Variants in MAEL observed in about 807,000 individuals in gnomAD.
MAEL encodes protein maelstrom homolog.
In MAEL, 46 loss-of-function variants were observed where a neutral mutation model predicts 62.0. The ratio of observed to expected loss-of-function variants is 0.74; its 90% confidence interval spans 0.59 to 0.95. MAEL has a LOEUF of 0.95. Ranked by LOEUF, MAEL falls within the 40% of genes least tolerant of loss-of-function variation. MAEL has a pLI of 0.00. For synonymous variants in MAEL, 172 were observed against 175.5 expected (o/e 0.98, Z 0.16); for missense variants, 497 against 526.8 (o/e 0.94, Z 0.55).
chr1:167,014,701 TA>T (rs1020239128), intron 8 of MAEL, among the ~76,000 whole-genome samples: 11 of 152,088 alleles, frequency 7.2e-5, no homozygotes, highest in Non-Finnish European at 1.6e-4. Flanking sequence ...ACCTTTCCAA[TA>T]AAAAATGGCC....
At chr1:166,988,348 TAAAAAA>T (rs71073633), upstream of MAEL, among the ~76,000 whole-genome samples, 11 of 93,100 alleles carry the variant, frequency 1.2e-4, no homozygotes, top group Non-Finnish European at 2.2e-4. Flanking sequence ...AGACCCTGTC[TAAAAAA>T]AAAAAAAAAA....
chr1:167,014,484 C>G (rs1446424590), intron 8 of MAEL, among the ~76,000 whole-genome samples: 1 of 152,106 alleles, frequency 6.6e-6, no homozygotes, highest in East Asian at 1.9e-4. Flanking sequence ...CAATAAGACT[C>G]TAGTGTGAAG....
At chr1:166,979,132 CATGAATACTGCTTAACGTG>C (rs1241792616) in intron 1 of MAEL, among the ~76,000 whole-genome samples, 1 of 152,178 alleles carries the variant, frequency 6.6e-6, no homozygotes, top group Non-Finnish European at 1.5e-5. Context: ...CATGCATGCA[CATGAATACTGCTTAACGTG>C]AGTCTGTTTA....
intron 9 of MAEL, among the ~76,000 whole-genome samples, chr1:167,016,779 C>T (rs1665409194): frequency 6.6e-6 from 1 of 152,002 alleles, no homozygotes; most frequent in South Asian, 2.1e-4. Flanking sequence ...GGTACTTATA[C>T]ACAATAGAGT....
chr1:167,009,849 T>A (rs936402117), intron 8 of MAEL, among the ~76,000 whole-genome samples: 1 of 152,082 alleles, frequency 6.6e-6, no homozygotes, highest in Non-Finnish European at 1.5e-5. Context: ...TTTGTCTTTT[T>A]TTTCCCCTCT....
At chr1:167,000,522 G>T (rs1664618123) in intron 5 of MAEL, among the ~76,000 whole-genome samples, 1 of 152,226 alleles carries the variant, frequency 6.6e-6, no homozygotes, top group African/African-American at 2.4e-5. Flanking sequence ...GAACACTGGT[G>T]AAATGACAAA....
chr1:167,008,534 T>C (rs1052975994), intron 8 of MAEL, among the ~76,000 whole-genome samples: 1 of 152,142 alleles, frequency 6.6e-6, no homozygotes, highest in East Asian at 1.9e-4. Context: ...TCTTTTTTAA[T>C]TTTTCAAAAC....
intron 8 of MAEL, among the ~76,000 whole-genome samples, chr1:167,013,767 C>CT (rs1665267543): frequency 1.3e-5 from 2 of 152,138 alleles, no homozygotes; most frequent in South Asian, 4.1e-4. Flanking sequence ...GGATTGTTAA[C>CT]TGATGAGGCT....
intron 8 of MAEL, among the ~76,000 whole-genome samples, chr1:167,009,800 C>T (rs1444866947): frequency 6.6e-6 from 1 of 151,956 alleles, no homozygotes; most frequent in Non-Finnish European, 1.5e-5. Flanking sequence ...ATCTGTTCAG[C>T]CTTGGGCAGT....
chr1:166,982,466 T>C (rs1663786564), intron 1 of MAEL, among the ~76,000 whole-genome samples: 1 of 152,162 alleles, frequency 6.6e-6, no homozygotes, highest in East Asian at 1.9e-4. Flanking sequence ...TGGATGTAGC[T>C]TGCAATGAAT....
intron 3 of MAEL, among the ~76,000 whole-genome samples, 156 bp from the exon 4 acceptor site, chr1:166,992,530 G>T (rs189032377): frequency 6.6e-6 from 1 of 152,170 alleles, no homozygotes; most frequent in East Asian, 1.9e-4. Flanking sequence ...TATTTGGTAC[G>T]GCTGATTGGT....
chr1:167,005,017 A>T, intron 6 of MAEL, 59 bp from the exon 7 acceptor site: 1 of 1,531,944 alleles, frequency 6.5e-7, no homozygotes, highest in Non-Finnish European at 8.9e-7. Context: ...AAGTCATTCA[A>T]AGTAGGAGAA....
intron 1 of MAEL, among the ~76,000 whole-genome samples, chr1:166,979,564 C>A (rs1189124188): frequency 1.3e-5 from 2 of 151,988 alleles, no homozygotes; most frequent in African/African-American, 4.8e-5. Context: ...TGCATTATGC[C>A]AAAACAAAAC....
intron 1 of MAEL, among the ~76,000 whole-genome samples, chr1:166,980,767 C>T (rs1011853794): frequency 7.2e-5 from 11 of 152,132 alleles, no homozygotes; most frequent in Non-Finnish European, 1.6e-4. Context: ...CCCAGATGAG[C>T]AGCAGAGCAA....
At chr1:167,006,574 C>A (rs1364697874) in intron 8 of MAEL, among the ~76,000 whole-genome samples, 1 of 137,716 alleles carries the variant, frequency 7.3e-6, no homozygotes, top group Non-Finnish European at 1.5e-5. Flanking sequence ...ATCAATATTT[C>A]TCTATTGGAA....
chr1:166,999,906 C>T (rs541641445), intron 5 of MAEL, among the ~76,000 whole-genome samples: 1 of 152,130 alleles, frequency 6.6e-6, no homozygotes, highest in East Asian at 1.9e-4. Flanking sequence ...GAAGACAGCA[C>T]ATCTGCTTAT....
chr1:166,981,031 C>A (rs947535938), intron 1 of MAEL, among the ~76,000 whole-genome samples: 4 of 152,170 alleles, frequency 2.6e-5, no homozygotes, highest in Admixed American at 2.6e-4. Context: ...TCACCCCCAG[C>A]AAATGGGCAG....
At chr1:166,987,788 G>A (rs1557970065), upstream of MAEL, among the ~76,000 whole-genome samples, 1 of 152,116 alleles carries the variant, frequency 6.6e-6, no homozygotes, top group Non-Finnish European at 1.5e-5. Flanking sequence ...CTCCAAAGAT[G>A]TAAAAGATCA....
At chr1:166,983,467 C>G (rs1204194012) in intron 1 of MAEL, among the ~76,000 whole-genome samples, 1 of 152,102 alleles carries the variant, frequency 6.6e-6, no homozygotes, top group Non-Finnish European at 1.5e-5. Flanking sequence ...GATTCTTTCT[C>G]AAGCCCAGAA....
Sources: gnomAD v4.1 joint callset for allele counts (sites outside exome capture counted in the v4.1 genomes callset) on GRCh38, gnomAD v4.1.1 for gene constraint, MANE v1.5 for transcripts, NCBI Gene and HGNC (gene_info 2026-07-23, HGNC 2026-07-21) for gene names.